Variants in LRRC71 observed in about 807,000 individuals in gnomAD.
The protein encoded by LRRC71 is leucine rich repeat containing 71.
LRRC71 carries 54 observed loss-of-function variants against 66.6 expected under a neutral mutation model. The ratio of observed to expected loss-of-function variants is 0.81; its 90% CI spans 0.65 to 1.02. The LOEUF (loss-of-function observed/expected upper bound fraction) is 1.02, where lower values mean the gene tolerates loss of function less well. Ranked by LOEUF, LRRC71 falls within the 50% of genes least tolerant of loss-of-function variation. The pLI is 0.00. For synonymous variants in LRRC71, 323 were observed against 303.9 expected, an observed-to-expected ratio of 1.06 and a Z score of -0.65; for missense variants, 724 against 718.0, an observed-to-expected ratio of 1.01 and a Z score of -0.10.
chr1:156,925,015 G>C lies in LRRC71; in HGVS notation c.593G>C (p.Arg198Thr). 1.3e-6 allele frequency: 2 copies of C among 1,551,694 alleles called. No homozygotes were observed. Among genetic ancestry groups the C allele is most frequent in the Non-Finnish European group, 1.7e-6 (2 of 1,146,992 alleles). The change falls in exon 5 of 15, where the codon AGG (arginine) becomes ACG (threonine). Residue 198 changes from arginine to threonine, a missense_variant and splice_region_variant. Physicochemically the swap from Arg to Thr is moderately conservative, Grantham distance 71. Transcript: ENST00000337428. ...ELLPLCSSTL[R>T]KVSLEGNPLP... ...CTGCCTCTCTGTTCATCCACGCTCA[G>C]GTCAGCAGACTGGGAGGCCCCCTGT... is the stretch of plus-strand genomic sequence containing the variant.
chr1:156,936,718 T>C, downstream of LRRC71: 1 of 1,385,814 alleles, frequency 7.2e-7, no homozygotes. Flanking sequence ...GAAACCACTC[T>C]CAGAACCACC....
chr1:156,923,940 C>T lies in LRRC71; in HGVS notation c.161-9C>T, dbSNP rs886802029. On this transcript the variant is annotated splice_polypyrimidine_tract_variant and intron_variant, in intron 1 of 14. Transcript: ENST00000337428. ...GCCCCTTCTCTCACGCCCCTGCCTGCCCCCGCAGAGGAGTACCAGTGCTCC... is the reference window on the plus strand; with the variant it reads ...GCCCCTTCTCTCACGCCCCTGCCTGTCCCCGCAGAGGAGTACCAGTGCTCC... 71 of 1,469,828 alleles carry T rather than the reference C, an allele frequency of 4.8e-5. No homozygotes were observed. Among genetic ancestry groups the T allele is most frequent in the Non-Finnish European group, 6.2e-5 (69 of 1,105,580 alleles). The allele number at this position is 1,469,828 out of a possible 1,614,324, so 91.0% of individuals were successfully genotyped here.
Position 156,924,656 on chromosome 1 carries a change from G to A in LRRC71, c.453G>A (p.Glu151=). The change falls in exon 4 of 15, where the codon GAG becomes GAA. Residue 151 remains glutamate, a synonymous_variant. Transcript: ENST00000337428. ...KEIYIRGWKV[E]ERILGVFSKC... is the part of the protein sequence containing the mutation. Reference sequence around the variant, plus strand: ...CTTGGCCCGCAGGTTGGAAGGTTGAGGAACGGATTCTGGGTGTCTTCTCTA... The same window carrying A: ...CTTGGCCCGCAGGTTGGAAGGTTGAAGAACGGATTCTGGGTGTCTTCTCTA... The A allele has an allele frequency of 1.3e-6, 2 of 1,551,634 alleles. No individual in the cohort carries two copies. The highest frequency in any genetic ancestry group is 2.4e-5 in the South Asian group (2 of 84,058).
downstream of LRRC71, chr1:156,937,475 A>G: frequency 1.3e-6 from 2 of 1,530,584 alleles, no homozygotes; most frequent in Non-Finnish European, 1.8e-6. Flanking sequence ...TCCTGATGGC[A>G]TGCTGACATA....
chr1:156,920,844 C>A lies in LRRC71; in HGVS notation c.41C>A (p.Ala14Asp). The change falls in exon 1 of 15, where the codon GCC (alanine) becomes GAC (aspartate). Residue 14 changes from alanine to aspartate, a missense_variant. Transcript: ENST00000337428. The surrounding 1 kb of genome is among the most constrained non-coding windows in gnomAD (Gnocchi z 4.9). ...AGCGCGCCGGGGGCCTCACCCAGGG[C>A]CCCGCGTCCGGGGACCCAGAAGTCT... ...EQSAPGASPR[A>D]PRPGTQKSSG... The A allele has an allele frequency of 6.5e-7, 1 of 1,536,934 alleles. No homozygotes were observed. The highest frequency in any genetic ancestry group is 8.8e-7 in the Non-Finnish European group (1 of 1,140,288).
In LRRC71 at chr1:156,929,255, C is replaced by A. The variant is rs781140004; in HGVS notation, c.997-25C>A. Reference sequence around the variant, plus strand: ...AGGAAGGGGCTCTGGCTTCTTCCCCCCTTCCCTCCCATTTGTGAGCACAGC... The same window carrying A: ...AGGAAGGGGCTCTGGCTTCTTCCCCACTTCCCTCCCATTTGTGAGCACAGC... On this transcript the variant is annotated intron_variant, in intron 9 of 14. Coordinates refer to ENST00000337428, the MANE Select transcript of LRRC71 (RefSeq NM_144702.3). The A allele has an allele frequency of 1.8e-5, 28 of 1,582,804 alleles. No homozygotes were observed. In the East Asian group the frequency reaches 2.3e-4, roughly 13 times the overall value.
Position 156,932,454 on chromosome 1 carries a change from G to T in LRRC71, c.1472G>T (p.Gly491Val), listed in dbSNP as rs1359876381. The stretch of plus-strand genomic sequence containing the variant: ...CGCATCACAGAGGTGGGGCTGGAGG[G>T]CTTCCTCGCCACGGTGCAGTATCAG... ...RNRITEVGLE[G>V]FLATVQYQMQ... The change falls in exon 14 of 15, where the codon GGC becomes GTC. Residue 491 changes from glycine (G) to valine (V), a missense_variant. By Grantham distance (109) the Gly-to-Val change is moderately radical. Coordinates refer to ENST00000337428, the MANE Select transcript of LRRC71 (RefSeq NM_144702.3). 3 of 1,613,724 alleles carry T rather than the reference G, an allele frequency of 1.9e-6. No homozygotes were observed. Among genetic ancestry groups the T allele is most frequent in the Non-Finnish European group, 2.5e-6 (3 of 1,179,864 alleles).
At chr1:156,927,892 C>T (rs752576003) in intron 8 of LRRC71, 23 bp from the exon 9 acceptor site, 3 of 1,610,340 alleles carry the variant, frequency 1.9e-6, no homozygotes, top group Non-Finnish European at 2.5e-6. Context: ...GGCGTCCGAC[C>T]GCTGAGCGCC....
downstream of LRRC71, among the ~76,000 whole-genome samples, chr1:156,937,895 A>AGCCCT (rs962178560): frequency 6.6e-6 from 1 of 152,198 alleles, no homozygotes; most frequent in African/African-American, 2.4e-5. Context: ...GATGAACTAC[A>AGCCCT]GCCCTGCCCT....
At chr1:156,937,429 G>A (rs750111428), downstream of LRRC71, 1 of 1,578,230 alleles carries the variant, frequency 6.3e-7, no homozygotes, top group Non-Finnish European at 8.6e-7. Context: ...GGGGGCTCAT[G>A]GGTGCCTCTG....
the LRRC71 span, chr1:156,938,659 C>G: frequency 1.6e-6 from 1 of 641,936 alleles, no homozygotes; most frequent in Non-Finnish European, 2.7e-6. Context: ...AGATCATACA[C>G]GATGACATCC....
chr1:156,936,199 C>T (rs996778078), downstream of LRRC71: 1 of 907,930 alleles, frequency 1.1e-6, no homozygotes, highest in African/African-American at 1.6e-5. Context: ...TCTCGTAGGG[C>T]TTGAAAAGGG....
At chr1:156,921,712 AACACACACACACACACACACACACAC>A (rs34547094) in intron 1 of LRRC71, 3 of 278,486 alleles carry the variant, frequency 1.1e-5, no homozygotes, top group East Asian at 2.0e-4. Flanking sequence ...TTACATTCAA[AACACACACACACACACACACACACAC>A]ACACACACAC....
intron 9 of LRRC71, among the ~76,000 whole-genome samples, chr1:156,928,407 C>CTTA (rs1200164310): frequency 7.9e-6 from 1 of 126,894 alleles, no homozygotes; most frequent in African/African-American, 3.1e-5. Context: ...TCTTCTTCTT[C>CTTA]CTCTTATTCC....
intron 13 of LRRC71, 195 bp downstream of exon 13, chr1:156,932,222 G>C (rs936904360): frequency 3.0e-6 from 2 of 660,528 alleles, no homozygotes; most frequent in Non-Finnish European, 5.4e-6. Flanking sequence ...GAGGACAGGC[G>C]ATTGGAGTAA....
rs1653882555 is a variant in LRRC71 at position 156,929,161 on chromosome 1, G to T, written c.997-119G>T. The T allele has an allele frequency of 2.5e-6, 3 of 1,179,514 alleles. No homozygotes were observed. The South Asian group carries it at 4.6e-5, about 18-fold the overall frequency. The allele number at this position is 1,179,514 out of a possible 1,614,324, so 73.1% of individuals were successfully genotyped here. ...TATTTTAGCATTTAGGCAGGGAGGT[G>T]GGTGGGAGGGTGCTGTCAGCTCGAC... On this transcript the variant is annotated intron_variant, in intron 9 of 14. Transcript: ENST00000337428.
At position 156,929,275 on chromosome 1, in the gene LRRC71, C is replaced by T. The variant is rs202242360; in HGVS notation, c.997-5C>T. 10 of 1,596,092 alleles carry T rather than the reference C, an allele frequency of 6.3e-6. No individual in the cohort carries two copies. The highest frequency in any genetic ancestry group is 8.5e-6 in the Non-Finnish European group (10 of 1,171,060). On this transcript the variant is annotated splice_region_variant and splice_polypyrimidine_tract_variant and intron_variant, in intron 9 of 14. Transcript: ENST00000337428. ...TCCCCCCTTCCCTCCCATTTGTGAG[C>T]ACAGCCCTCCTCCTCTCGACACGGG...
rs1190835077 is a variant in LRRC71, at chr1:156,932,969, GC to G, written c.*5del. 6.4e-7 allele frequency: 1 copy of G among 1,559,860 alleles called. No individual in the cohort carries two copies. Among genetic ancestry groups the G allele is most frequent in the Non-Finnish European group, 8.7e-7 (1 of 1,151,530 alleles). On this transcript the variant is annotated 3_prime_UTR_variant, in exon 15 of 15. Coordinates refer to ENST00000337428, the MANE Select transcript of LRRC71 (RefSeq NM_144702.3). ...ATGAGGCCATGGCATTCTTCCCCTA[GC>G]CCCCTCCCACCTGCTTGCCTCTAAG...
In LRRC71 at chr1:156,930,629, G is replaced by C; in HGVS notation, c.1329+12G>C. 1.9e-6 allele frequency: 3 copies of C among 1,553,686 alleles called. No homozygotes were observed. Among genetic ancestry groups the C allele is most frequent in the Non-Finnish European group, 2.6e-6 (3 of 1,147,850 alleles). ...TCCTGGAGTCCGAGGTAAGTTGCCA[G>C]GAGGAGTGGAGGCAGGGGGCACACC... On this transcript the variant is annotated intron_variant, in intron 12 of 14. Transcript: ENST00000337428.
Sources: allele counts gnomAD v4.1 joint callset (sites outside exome capture counted in the v4.1 genomes callset), GRCh38; gene constraint gnomAD v4.1.1; non-coding constraint Gnocchi (gnomAD v3.1); transcripts MANE v1.5; gene names NCBI Gene and HGNC (gene_info 2026-07-23, HGNC 2026-07-21).